The following NRDE2 variants were observed in gnomAD, a reference collection of about 807,000 sequenced individuals.
The protein encoded by NRDE2 is NRDE-2, necessary for RNA interference, domain containing.
In NRDE2, 76 loss-of-function variants were observed where a neutral mutation model predicts 124.2. The ratio of observed to expected loss-of-function variants is 0.61; its 90% confidence interval spans 0.51 to 0.74. The LOEUF (loss-of-function observed/expected upper bound fraction) is 0.74, where lower values mean the gene tolerates loss of function less well. Among genes scored for constraint, NRDE2 ranks in the 30% least tolerant of loss-of-function variants. NRDE2 has a pLI of 0.00. For missense variants in NRDE2, 1,314 were observed against 1,417.3 expected, an observed-to-expected ratio of 0.93 and a Z score of 1.17; for synonymous variants, 489 against 528.1, an observed-to-expected ratio of 0.93 and a Z score of 1.01.
intron 1 of NRDE2, among the ~76,000 whole-genome samples, chr14:90,326,663 T>C (rs1343725704): frequency 6.6e-6 from 1 of 152,146 alleles, no homozygotes; most frequent in Admixed American, 6.5e-5. Context: ...CCTCTGAATA[T>C]ACCTGGTTTA....
intron 3 of NRDE2, among the ~76,000 whole-genome samples, chr14:90,315,992 AG>A (rs1454696669): frequency 6.7e-6 from 1 of 149,958 alleles, no homozygotes; most frequent in Non-Finnish European, 1.5e-5. Context: ...AAGAAAGCAG[AG>A]TAAAATATGG....
At chr14:90,312,653 C>T (rs1884888818) in intron 3 of NRDE2, 110 bp from the exon 4 acceptor site, 1 of 969,650 alleles carries the variant, frequency 1.0e-6, no homozygotes, top group Non-Finnish European at 1.6e-6. Context: ...CTCCACATGG[C>T]ATCAAACACA....
chr14:90,324,449 G>A (rs1885347176), intron 1 of NRDE2, among the ~76,000 whole-genome samples: 1 of 152,090 alleles, frequency 6.6e-6, no homozygotes, highest in Non-Finnish European at 1.5e-5. Context: ...GCCGAGGTGG[G>A]CGGATCACTT....
chr14:90,319,275 T>C (rs1885159266), intron 1 of NRDE2, among the ~76,000 whole-genome samples: 1 of 152,214 alleles, frequency 6.6e-6, no homozygotes, highest in Non-Finnish European at 1.5e-5. Context: ...ACCCGTTAAA[T>C]GGTTGAAGGT....
At chr14:90,306,032 A>G (rs1884587183) in intron 4 of NRDE2, among the ~76,000 whole-genome samples, 1 of 152,230 alleles carries the variant, frequency 6.6e-6, no homozygotes, top group Admixed American at 6.5e-5. Flanking sequence ...TGATGGATGG[A>G]CACATATGAC....
In NRDE2 at chr14:90,318,372, T is replaced by G. The variant is rs115420347; in HGVS notation, c.65-259A>C. On this transcript the variant is annotated intron_variant, in intron 1 of 13. Transcript: ENST00000354366. ...CAAACTGCAGCTTAAGCAAAAGCCATGTAACAAGTACGGGCTAAAAGGCAA... is the reference window on the plus strand; with the variant it reads ...CAAACTGCAGCTTAAGCAAAAGCCAGGTAACAAGTACGGGCTAAAAGGCAA... 7.5e-3 allele frequency among the ~76,000 whole-genome samples: 1,138 copies of G among 152,350 alleles called. 18 individuals are homozygous for G. Among genetic ancestry groups the G allele is most frequent in the African/African-American group, 0.026 (1,070 of 41,584 alleles).
At chr14:90,316,159 C>G (rs1457007574) in intron 3 of NRDE2, among the ~76,000 whole-genome samples, 1 of 152,018 alleles carries the variant, frequency 6.6e-6, no homozygotes, top group Non-Finnish European at 1.5e-5. Flanking sequence ...TGTGTGTGAT[C>G]ATGTATACAC....
intron 12 of NRDE2, chr14:90,280,560 T>C (rs948237090): frequency 6.6e-6 from 1 of 152,298 alleles, no homozygotes; most frequent in African/African-American, 2.4e-5. Context: ...CCAGCCTCCA[T>C]CAGCGCTGGA....
chr14:90,301,388 C>A lies in NRDE2; in HGVS notation c.1412-16G>T, dbSNP rs1387382764. 4 of 1,612,946 alleles carry A rather than the reference C, an allele frequency of 2.5e-6. No individual in the cohort carries two copies. In the Admixed American group the frequency reaches 6.7e-5, roughly 27 times the overall value. On this transcript the variant is annotated splice_polypyrimidine_tract_variant and intron_variant, in intron 6 of 13. Transcript: ENST00000354366. ...AGAAAGAGTGCTGCGAACAGGAGGGCAAAGGGGAAGAAGCCTGGTTGATAC... is the reference window on the plus strand; with the variant it reads ...AGAAAGAGTGCTGCGAACAGGAGGGAAAAGGGGAAGAAGCCTGGTTGATAC...
Position 90,275,464 on chromosome 14 carries a change from G to C in NRDE2, c.*2872C>G, listed in dbSNP as rs1285236553. 2 of 152,152 alleles carry C rather than the reference G, an allele frequency of 1.3e-5. No individual in the cohort carries two copies. The highest frequency in any genetic ancestry group is 4.8e-5 in the African/African-American group (2 of 41,434). The allele number at this position is 152,152 out of a possible 1,614,324, so 9.4% of individuals were successfully genotyped here. A position where few individuals can be genotyped will look rare whatever the true frequency, so the allele number is the denominator to read the frequency against. ...TATTGCCTTTTCCTCATTGGTAATA[G>C]CTGAGCGTTTTCCTCTAGAGGGACA... On this transcript the variant is annotated 3_prime_UTR_variant, in exon 14 of 14. Coordinates refer to ENST00000354366, the MANE Select transcript of NRDE2 (RefSeq NM_017970.4).
rs1399816379 is a variant in NRDE2 at position 90,276,146 on chromosome 14, A to T, written c.*2190T>A. 6.6e-6 allele frequency: 1 copy of T among 151,510 alleles called. No individual in the cohort carries two copies. Among genetic ancestry groups the T allele is most frequent in the Non-Finnish European group, 1.5e-5 (1 of 67,948 alleles). 9.4% of individuals were successfully genotyped at this position (151,510 alleles called of 1,614,324 possible). On this transcript the variant is annotated 3_prime_UTR_variant, in exon 14 of 14. Coordinates refer to ENST00000354366, the MANE Select transcript of NRDE2 (RefSeq NM_017970.4). ...CTGGGAACCCCCTTCTCAGCCCTCC[A>T]AGCTGACGGTTAGTCTTGGGAGGCA... is the stretch of plus-strand genomic sequence containing the variant.
intron 12 of NRDE2, among the ~76,000 whole-genome samples, chr14:90,283,159 C>G (rs1023360206): frequency 6.6e-6 from 1 of 152,166 alleles, no homozygotes; most frequent in African/African-American, 2.4e-5. Context: ...TGATTTTTCA[C>G]TGTGTTAACA....
chr14:90,291,674 GCC>G (rs1892275051), intron 9 of NRDE2, among the ~76,000 whole-genome samples: 2 of 152,180 alleles, frequency 1.3e-5, no homozygotes, highest in African/African-American at 4.8e-5. Flanking sequence ...CTAGAAGCTG[GCC>G]CCTTCTTCCT....
intron 3 of NRDE2, among the ~76,000 whole-genome samples, chr14:90,313,228 G>A (rs565989745): frequency 1.4e-5 from 2 of 146,606 alleles, no homozygotes; most frequent in East Asian, 4.2e-4. Flanking sequence ...CCGGATTCAC[G>A]CCATTCTCCT....
intron 3 of NRDE2, among the ~76,000 whole-genome samples, chr14:90,314,072 C>T (rs1884953513): frequency 6.6e-6 from 1 of 152,220 alleles, no homozygotes; most frequent in Non-Finnish European, 1.5e-5. Flanking sequence ...GCCCTTTCCT[C>T]TCCCCTCGGC....
intron 12 of NRDE2, 50 bp downstream of exon 12, chr14:90,286,303 AG>A: frequency 6.4e-7 from 1 of 1,560,550 alleles, no homozygotes. Flanking sequence ...TCATTTATGA[AG>A]GAAGAGGTAG....
In NRDE2 at chr14:90,292,762, G is replaced by T. The variant is rs371856577; in HGVS notation, c.1777C>A (p.Arg593=). 3.7e-6 allele frequency: 6 copies of T among 1,614,056 alleles called. No individual in the cohort carries two copies. The highest frequency in any genetic ancestry group is 5.1e-6 in the Non-Finnish European group (6 of 1,180,022). The change falls in exon 9 of 14, where the codon CGG becomes AGG. Residue 593 remains arginine (R), a synonymous_variant. Transcript: ENST00000354366. The stretch of plus-strand genomic sequence containing the variant: ...TTGGTCTTATCAGGGCGCCAGGGCC[G>T]CCAGTGCCTCTGGTCACGGGAACGC... ...AERSRDQRHW[R]PWRPDKTKKQ...
intron 8 of NRDE2, among the ~76,000 whole-genome samples, chr14:90,294,238 G>A (rs1352796185): frequency 6.6e-6 from 1 of 151,722 alleles, no homozygotes; most frequent in East Asian, 1.9e-4. Context: ...TGGACAAATC[G>A]GAAGCCTGGT....
intron 1 of NRDE2, among the ~76,000 whole-genome samples, chr14:90,318,468 A>C (rs1308946996): frequency 1.3e-5 from 2 of 152,208 alleles, no homozygotes; most frequent in South Asian, 2.1e-4. Flanking sequence ...TTAGGTTTTT[A>C]TGACCTCAAA....
Sources: allele counts gnomAD v4.1 joint callset (sites outside exome capture counted in the v4.1 genomes callset), GRCh38; gene constraint gnomAD v4.1.1; transcripts MANE v1.5; gene names NCBI Gene and HGNC (gene_info 2026-07-23, HGNC 2026-07-21).